The following HHAT variants were observed in gnomAD, a reference collection of about 807,000 sequenced individuals.
The protein encoded by HHAT is protein-cysteine N-palmitoyltransferase HHAT.
HHAT carries 47 observed loss-of-function variants against 70.8 expected under a neutral mutation model. The observed-to-expected ratio is 0.66, with a 90% CI of 0.53 to 0.85. The LOEUF (loss-of-function observed/expected upper bound fraction) is 0.85. Ranked by LOEUF, HHAT falls within the 40% of genes least tolerant of loss-of-function variation. HHAT has a pLI of 0.00. For missense variants in HHAT, 609 were observed against 604.8 expected (o/e 1.01, Z -0.07); for synonymous variants, 228 against 247.6 (o/e 0.92, Z 0.74).
At chr1:210,473,558 A>G (rs2094247443) in intron 8 of HHAT, among the ~76,000 whole-genome samples, 1 of 152,166 alleles carries the variant, frequency 6.6e-6, no homozygotes, top group Non-Finnish European at 1.5e-5. Flanking sequence ...GTGTGGGGCC[A>G]CTGGGGGCTT....
intron 9 of HHAT, among the ~76,000 whole-genome samples, chr1:210,537,295 T>C (rs1892472): frequency 6.6e-6 from 1 of 152,004 alleles, no homozygotes; most frequent in Non-Finnish European, 1.5e-5. Context: ...TCACCCTTCT[T>C]CTGCTGTCTG....
At chr1:210,368,008 T>G (rs2089177478) in intron 3 of HHAT, among the ~76,000 whole-genome samples, 1 of 149,030 alleles carries the variant, frequency 6.7e-6, no homozygotes. Flanking sequence ...TATTTGCCAG[T>G]CCCTTTTTCT....
chr1:210,415,878 T>C (rs7340053), intron 6 of HHAT, among the ~76,000 whole-genome samples: 131,029 of 151,976 alleles, frequency 0.86, 56,610 homozygotes, highest in South Asian at 0.9. Context: ...AGGCTGGTCT[T>C]GAACTCCTGA....
At chr1:210,588,135 T>G (rs918418904) in intron 10 of HHAT, 36 bp downstream of exon 10, 2 of 1,517,874 alleles carry the variant, frequency 1.3e-6, no homozygotes, top group Admixed American at 1.9e-5. Context: ...TAGGGGACAG[T>G]GGAACTAGGC....
At chr1:210,583,947 A>ATTTTTTTTTTTTTTTTTTTTTTTTTTTTT (rs371722219) in intron 9 of HHAT, among the ~76,000 whole-genome samples, 1 of 88,992 alleles carries the variant, frequency 1.1e-5, no homozygotes, top group Non-Finnish European at 2.0e-5. Flanking sequence ...AGTGCAGCTA[A>ATTTTTTTTTTTTTTTTTTTTTTTTTTTTT]TTTTTTTTTT....
chr1:210,624,212 G>A (rs1055780693), intron 11 of HHAT, among the ~76,000 whole-genome samples: 2 of 152,154 alleles, frequency 1.3e-5, no homozygotes, highest in African/African-American at 4.8e-5. Context: ...TCCTCATCAC[G>A]TGATGCCCTG....
intron 10 of HHAT, among the ~76,000 whole-genome samples, chr1:210,619,210 C>T (rs116790314): frequency 2.5e-3 from 383 of 152,194 alleles, no homozygotes; most frequent in African/African-American, 8.8e-3. Flanking sequence ...TGTCATGTAC[C>T]GTAGAGACCA....
At chr1:210,621,429 A>G (rs138187164) in intron 10 of HHAT, among the ~76,000 whole-genome samples, 2 of 152,156 alleles carry the variant, frequency 1.3e-5, no homozygotes, top group Admixed American at 6.5e-5. Flanking sequence ...GGACGTATTT[A>G]TGTCAATTAA....
chr1:210,628,190 G>A (rs72751420), intron 11 of HHAT, among the ~76,000 whole-genome samples: 2 of 152,152 alleles, frequency 1.3e-5, no homozygotes, highest in South Asian at 2.1e-4. Context: ...TATTCAAGGG[G>A]GGGTGTTTAT....
At chr1:210,449,606 T>C (rs3765842) in intron 7 of HHAT, among the ~76,000 whole-genome samples, 88,023 of 152,064 alleles carry the variant, frequency 0.58, 25,769 homozygotes, top group South Asian at 0.68. Flanking sequence ...AGCCTCCCTC[T>C]GCTCCTTCAT....
At chr1:210,391,385 A>G (rs1169201472) in intron 4 of HHAT, among the ~76,000 whole-genome samples, 1 of 152,212 alleles carries the variant, frequency 6.6e-6, no homozygotes, top group Admixed American at 6.5e-5. Flanking sequence ...TTTTTATACA[A>G]GACACAAAAA....
rs746687297 is a variant in HHAT at position 210,587,911 on chromosome 1, C to A, written c.1057C>A (p.Pro353Thr). 1 of 1,613,880 alleles carries A rather than the reference C, an allele frequency of 6.2e-7. No individual in the cohort carries two copies. Residue 353 changes from proline to threonine, a missense_variant, in exon 10 of 12, where the codon CCA (proline) becomes ACA (threonine). Physicochemically the swap from Pro to Thr is conservative, Grantham distance 38. Coordinates refer to ENST00000261458, the MANE Select transcript of HHAT (RefSeq NM_018194.6). Reference protein sequence around the residue: ...HNFLIRYVYIPVGGSQHGLLG... With the variant: ...HNFLIRYVYITVGGSQHGLLG... ...TTCTTTCTCTAGGTATGTGTACATT[C>A]CAGTGGGCGGGTCCCAGCATGGCCT...
intron 11 of HHAT, among the ~76,000 whole-genome samples, chr1:210,633,650 C>T (rs998614514): frequency 1.3e-5 from 2 of 152,222 alleles, no homozygotes; most frequent in African/African-American, 4.8e-5. Context: ...TCTCTAACCC[C>T]TGACATTGAT....
At chr1:210,605,406 C>G (rs1665188180) in intron 10 of HHAT, among the ~76,000 whole-genome samples, 1 of 152,206 alleles carries the variant, frequency 6.6e-6, no homozygotes, top group East Asian at 1.9e-4. Context: ...CTTCATGTCT[C>G]TTTGCTGCTT....
intron 2 of HHAT, among the ~76,000 whole-genome samples, chr1:210,349,703 A>G (rs2086847858): frequency 6.7e-6 from 1 of 148,712 alleles, no homozygotes; most frequent in Non-Finnish European, 1.5e-5. Context: ...CCCAGGCTAG[A>G]GCAATGGTAC....
chr1:210,535,281 G>T (rs375326212), intron 9 of HHAT, among the ~76,000 whole-genome samples: 2 of 152,090 alleles, frequency 1.3e-5, no homozygotes, highest in African/African-American at 4.8e-5. Flanking sequence ...CAGTGACTAC[G>T]TAACAGGGTT....
chr1:210,402,798 T>G (rs1435421366), intron 5 of HHAT, among the ~76,000 whole-genome samples: 1 of 152,228 alleles, frequency 6.6e-6, no homozygotes, highest in South Asian at 2.1e-4. Context: ...TATTCATTCA[T>G]TCAGTCACTC....
At chr1:210,656,716 G>C (rs942347175) in intron 11 of HHAT, among the ~76,000 whole-genome samples, 3 of 152,170 alleles carry the variant, frequency 2.0e-5, no homozygotes, top group Non-Finnish European at 4.4e-5. Flanking sequence ...GCCCTGAACA[G>C]TGATATAAGA....
At chr1:210,440,227 G>T (rs1471394326) in intron 7 of HHAT, among the ~76,000 whole-genome samples, 1 of 151,736 alleles carries the variant, frequency 6.6e-6, no homozygotes, top group Non-Finnish European at 1.5e-5. Context: ...AGGGAGGCTA[G>T]TTTGTAGGTG....
Sources: gnomAD v4.1 joint callset for allele counts (sites outside exome capture counted in the v4.1 genomes callset) on GRCh38, gnomAD v4.1.1 for gene constraint, MANE v1.5 for transcripts, NCBI Gene and HGNC (gene_info 2026-07-23, HGNC 2026-07-21) for gene names.